CCDC149: variants seen among roughly 807,000 people sequenced by gnomAD.
CCDC149 encodes coiled-coil domain containing 149.
CCDC149 carries 45 observed loss-of-function variants against 59.9 expected under a neutral mutation model. The observed-to-expected ratio is 0.75, with a 90% CI of 0.59 to 0.96. The LOEUF is 0.96. CCDC149 is among the 40% of genes least tolerant of loss of function. The pLI is 0.00. For synonymous variants in CCDC149, 245 were observed against 260.6 expected (o/e 0.94, Z 0.58); for missense variants, 584 against 664.7 (o/e 0.88, Z 1.33).
intron 2 of CCDC149, among the ~76,000 whole-genome samples, chr4:24,874,246 T>TGTTG (rs1719247213): frequency 7.8e-5 from 1 of 12,824 alleles, no homozygotes; most frequent in African/African-American, 2.4e-4. Context: ...TTAGATTTGT[T>TGTTG]TTTTTTTTTT....
chr4:24,937,075 C>A (rs757694148), intron 1 of CCDC149, among the ~76,000 whole-genome samples: 1 of 152,116 alleles, frequency 6.6e-6, no homozygotes, highest in East Asian at 1.9e-4. Context: ...GGCGCCAAGG[C>A]GAAGGAGAAG....
intron 8 of CCDC149, among the ~76,000 whole-genome samples, chr4:24,832,686 T>C (rs1716238356): frequency 6.6e-6 from 1 of 152,216 alleles, no homozygotes; most frequent in Non-Finnish European, 1.5e-5. Flanking sequence ...CACTTACAAA[T>C]ATATAAAGGA....
intron 1 of CCDC149, among the ~76,000 whole-genome samples, chr4:24,964,833 C>T (rs1397724378): frequency 1.4e-5 from 2 of 143,722 alleles, no homozygotes; most frequent in Non-Finnish European, 2.9e-5. Context: ...TTGAAGACAG[C>T]TAAAGATAAA....
chr4:24,866,671 C>A (rs567459079), intron 3 of CCDC149, among the ~76,000 whole-genome samples: 16 of 151,638 alleles, frequency 1.1e-4, no homozygotes, highest in Admixed American at 2.6e-4. Context: ...GATTTGCCAT[C>A]GGAAATTCGT....
At chr4:24,888,602 T>C (rs1577454127) in intron 1 of CCDC149, among the ~76,000 whole-genome samples, 1 of 152,212 alleles carries the variant, frequency 6.6e-6, no homozygotes, top group East Asian at 1.9e-4. Context: ...GAGATACATG[T>C]ATATTTAACC....
At chr4:24,887,664 C>A (rs915173515) in intron 1 of CCDC149, among the ~76,000 whole-genome samples, 3 of 152,152 alleles carry the variant, frequency 2.0e-5, no homozygotes, top group East Asian at 1.9e-4. Context: ...CAACAAGCCA[C>A]CCCTCCATGC....
intron 3 of CCDC149, among the ~76,000 whole-genome samples, chr4:24,867,175 T>G (rs987302045): frequency 2.0e-5 from 3 of 152,180 alleles, no homozygotes; most frequent in African/African-American, 7.2e-5. Flanking sequence ...TTGAGCACTC[T>G]CCAACTAACA....
intron 3 of CCDC149, among the ~76,000 whole-genome samples, chr4:24,872,592 G>T (rs1719109348): frequency 1.3e-5 from 2 of 151,212 alleles, no homozygotes; most frequent in African/African-American, 4.9e-5. Flanking sequence ...AGAATGGTAT[G>T]TACCCACTGA....
intron 12 of CCDC149, among the ~76,000 whole-genome samples, chr4:24,815,395 GA>G (rs1358064183): frequency 1.7e-4 from 26 of 152,170 alleles, no homozygotes; most frequent in Non-Finnish European, 3.8e-4. Context: ...GGGGACATGA[GA>G]AACAGCGGGT....
rs1714195627 is a variant in CCDC149, at chr4:24,806,668, C to T, written c.*1721G>A. 6.5e-6 allele frequency: 1 copy of T among 152,820 alleles called. No homozygotes were observed. The highest frequency in any genetic ancestry group is 1.5e-5 in the Non-Finnish European group (1 of 68,160). 9.5% of individuals were successfully genotyped at this position (152,820 alleles called of 1,614,324 possible). On this transcript the variant is annotated 3_prime_UTR_variant, in exon 13 of 13. Transcript: ENST00000635206. ...CCCTCCAGCTGCGGGAGCAACCTCCCTTGAGGAGAAGTTGTGGGGGTGGGC... is the reference window on the plus strand; with the variant it reads ...CCCTCCAGCTGCGGGAGCAACCTCCTTTGAGGAGAAGTTGTGGGGGTGGGC...
intron 1 of CCDC149, among the ~76,000 whole-genome samples, chr4:24,962,049 G>A (rs1389392993): frequency 4.0e-5 from 6 of 151,122 alleles, no homozygotes; most frequent in Non-Finnish European, 8.9e-5. Flanking sequence ...GAAAATTTTT[G>A]CAATCTACTC....
intron 1 of CCDC149, 64 bp from the exon 2 acceptor site, chr4:24,876,761 C>A (rs1719465230): frequency 4.8e-6 from 7 of 1,467,470 alleles, no homozygotes; most frequent in South Asian, 1.3e-5. Flanking sequence ...TAAACACACA[C>A]CGTACTTCAC....
chr4:24,804,477 T>G (rs1577365886), downstream of CCDC149, among the ~76,000 whole-genome samples: 2 of 111,346 alleles, frequency 1.8e-5, no homozygotes, highest in Non-Finnish European at 1.7e-5. Context: ...GGTGACAGAG[T>G]GAGACTCTCA....
chr4:24,922,831 G>A (rs1382798813), intron 1 of CCDC149, among the ~76,000 whole-genome samples: 1 of 152,170 alleles, frequency 6.6e-6, no homozygotes, highest in African/African-American at 2.4e-5. Flanking sequence ...GAAACACACA[G>A]TAACCTTGGT....
chr4:24,944,228 G>A (rs536124380), intron 1 of CCDC149, among the ~76,000 whole-genome samples: 1 of 152,320 alleles, frequency 6.6e-6, no homozygotes, highest in African/African-American at 2.4e-5. Context: ...CCATAAAAAT[G>A]ATGAGTTCAT....
intron 1 of CCDC149, among the ~76,000 whole-genome samples, chr4:24,944,551 T>A (rs75578594): frequency 0.14 from 17,654 of 126,466 alleles, 1,477 homozygotes; most frequent in African/African-American, 0.28. Context: ...AAGTATAATT[T>A]AAAAAAAAAA....
chr4:24,959,151 T>C (rs1349622466), intron 1 of CCDC149, among the ~76,000 whole-genome samples: 1 of 152,156 alleles, frequency 6.6e-6, no homozygotes, highest in East Asian at 1.9e-4. Flanking sequence ...TTTTTTTGTA[T>C]TTTTAGTGGA....
intron 1 of CCDC149, among the ~76,000 whole-genome samples, chr4:24,901,442 G>A (rs1284487841): frequency 6.6e-6 from 1 of 152,148 alleles, no homozygotes; most frequent in Non-Finnish European, 1.5e-5. Context: ...TTTATTCAAC[G>A]TGAAACTCAC....
At chr4:24,871,983 G>A (rs1719072954) in intron 3 of CCDC149, among the ~76,000 whole-genome samples, 1 of 152,152 alleles carries the variant, frequency 6.6e-6, no homozygotes, top group Non-Finnish European at 1.5e-5. Context: ...AGAAGGATCG[G>A]AGAAGAACTT....
Sources: gnomAD v4.1 joint callset for allele counts (sites outside exome capture counted in the v4.1 genomes callset) on GRCh38, gnomAD v4.1.1 for gene constraint, MANE v1.5 for transcripts, NCBI Gene and HGNC (gene_info 2026-07-23, HGNC 2026-07-21) for gene names.